The following RB1CC1 variants were observed in gnomAD, a reference collection of about 807,000 sequenced individuals.
RB1CC1 encodes the protein RB1 inducible coiled-coil 1.
RB1CC1 carries 46 observed loss-of-function variants against 177.5 expected under a neutral mutation model. The observed-to-expected ratio is 0.26, with a 90% CI of 0.20 to 0.33. The LOEUF is 0.33. Among genes scored for constraint, RB1CC1 ranks in the 10% least tolerant of loss-of-function variants. RB1CC1 has a pLI of 1.00. For missense variants in RB1CC1, 1,703 were observed against 1,816.3 expected, an observed-to-expected ratio of 0.94 and a Z score of 1.13; for synonymous variants, 666 against 613.6, an observed-to-expected ratio of 1.09 and a Z score of -1.26.
intron 2 of RB1CC1, chr8:52,685,961 T>C (rs1469619354): frequency 6.6e-6 from 1 of 152,258 alleles, no homozygotes; most frequent in Non-Finnish European, 1.5e-5. Context: ...GAGTAGCCGT[T>C]ACTTGCAAAT....
chr8:52,632,579 T>C (rs1024079069), intron 20 of RB1CC1, among the ~76,000 whole-genome samples: 11 of 152,230 alleles, frequency 7.2e-5, no homozygotes, highest in African/African-American at 2.7e-4. Context: ...AGAAAAAATT[T>C]GTTAATATAG....
chr8:52,713,194 G>C (rs1591174477), intron 1 of RB1CC1, among the ~76,000 whole-genome samples: 1 of 152,206 alleles, frequency 6.6e-6, no homozygotes, highest in African/African-American at 2.4e-5. Flanking sequence ...CTGGCTGAAT[G>C]TCTCGTAGTA....
At chr8:52,707,895 T>C (rs192596701) in intron 1 of RB1CC1, among the ~76,000 whole-genome samples, 8 of 152,300 alleles carry the variant, frequency 5.3e-5, no homozygotes, top group Admixed American at 3.9e-4. Context: ...TTGAATACCA[T>C]CTATCTCACT....
At chr8:52,659,983 C>T (rs1851467445) in intron 12 of RB1CC1, among the ~76,000 whole-genome samples, 1 of 152,178 alleles carries the variant, frequency 6.6e-6, no homozygotes, top group Non-Finnish European at 1.5e-5. Context: ...GACAACAGAG[C>T]AAGACTCTTG....
rs1281435196 is a variant in RB1CC1, at chr8:52,656,105, T to G, written c.3724A>C (p.Ile1242Leu). Residue 1242 changes from isoleucine (I) to leucine (L), a missense_variant, in exon 15 of 24, where the codon ATT becomes CTT. Physicochemically the swap from Ile to Leu is conservative, Grantham distance 5. Coordinates refer to ENST00000025008, the MANE Select transcript of RB1CC1 (RefSeq NM_014781.5). ...QKLNCEKDEA[I>L]QTALKEFKLE... ...TTAAATTCTTTTAGGGCAGTCTGAA[T>G]AGCTTCATCTTTTTCACAATTAAGC... The G allele has an allele frequency of 6.2e-7, 1 of 1,613,690 alleles. No homozygotes were observed. Among genetic ancestry groups the G allele is most frequent in the East Asian group, 2.2e-5 (1 of 44,826 alleles).
At chr8:52,710,046 A>G (rs1856920955) in intron 1 of RB1CC1, among the ~76,000 whole-genome samples, 1 of 152,252 alleles carries the variant, frequency 6.6e-6, no homozygotes, top group African/African-American at 2.4e-5. Context: ...TGCAATTATT[A>G]GCAATTCTCC....
At chr8:52,694,216 C>T (rs1394806062) in intron 1 of RB1CC1, among the ~76,000 whole-genome samples, 1 of 152,170 alleles carries the variant, frequency 6.6e-6, no homozygotes, top group Non-Finnish European at 1.5e-5. Flanking sequence ...AACTGCAGGA[C>T]AGTGAGGAGT....
chr8:52,635,048 A>C (rs1179634138), intron 19 of RB1CC1, 80 bp from the exon 20 acceptor site: 2 of 1,301,658 alleles, frequency 1.5e-6, no homozygotes, highest in Non-Finnish European at 2.1e-6. Context: ...CAAAGTTTTC[A>C]TCAGACAAAA....
chr8:52,642,246 G>A, intron 18 of RB1CC1, 105 bp downstream of exon 18: 1 of 1,369,900 alleles, frequency 7.3e-7, no homozygotes, highest in Non-Finnish European at 9.9e-7. Context: ...TCAGATACAT[G>A]GGCTGTGGAC....
intron 10 of RB1CC1, 41 bp from the exon 11 acceptor site, chr8:52,661,048 A>G: frequency 6.2e-7 from 1 of 1,611,124 alleles, no homozygotes; most frequent in Non-Finnish European, 8.5e-7. Flanking sequence ...ACATACACCA[A>G]TTCGTTAAAG....
At chr8:52,654,247 T>G (rs144756659) in intron 15 of RB1CC1, among the ~76,000 whole-genome samples, 1 of 152,336 alleles carries the variant, frequency 6.6e-6, no homozygotes, top group Non-Finnish European at 1.5e-5. Context: ...CTGGACTGTC[T>G]AGTATTCCAT....
chr8:52,679,618 A>G (rs548645931), intron 5 of RB1CC1, among the ~76,000 whole-genome samples: 61 of 152,186 alleles, frequency 4.0e-4, no homozygotes, highest in Non-Finnish European at 7.8e-4. Context: ...CCTTGGGCAC[A>G]TGTTACCAGG....
At chr8:52,693,634 G>A (rs1326980953) in intron 1 of RB1CC1, among the ~76,000 whole-genome samples, 2 of 152,160 alleles carry the variant, frequency 1.3e-5, no homozygotes, top group Admixed American at 1.3e-4. Context: ...GTGTAAATTA[G>A]TTCAACCATT....
At chr8:52,658,754 T>C in intron 13 of RB1CC1, 119 bp downstream of exon 13, 1 of 561,774 alleles carries the variant, frequency 1.8e-6, no homozygotes, top group African/African-American at 2.0e-5. Flanking sequence ...AAAGCCAGTC[T>C]ATCTTAAATA....
At chr8:52,673,284 A>G (rs967894806) in intron 7 of RB1CC1, among the ~76,000 whole-genome samples, 5 of 152,238 alleles carry the variant, frequency 3.3e-5, no homozygotes, top group Non-Finnish European at 7.3e-5. Context: ...TGCAGATCAG[A>G]TATGAAGGGG....
intron 8 of RB1CC1, among the ~76,000 whole-genome samples, chr8:52,666,938 G>A (rs964812543): frequency 6.6e-6 from 1 of 152,188 alleles, no homozygotes. Flanking sequence ...AAAAGCAAGT[G>A]AGGGAAAAGC....
At chr8:52,699,592 T>TGAGGTCAG (rs1461338838) in intron 1 of RB1CC1, among the ~76,000 whole-genome samples, 13 of 149,954 alleles carry the variant, frequency 8.7e-5, no homozygotes, top group African/African-American at 3.2e-4. Context: ...GTGGATCACT[T>TGAGGTCAG]GAGGTCAGGA....
At chr8:52,638,873 T>C (rs1849351975) in intron 18 of RB1CC1, among the ~76,000 whole-genome samples, 1 of 152,148 alleles carries the variant, frequency 6.6e-6, no homozygotes, top group Admixed American at 6.5e-5. Context: ...TACATGTAGA[T>C]TTCCATATAT....
At chr8:52,696,206 G>A (rs912653121) in intron 1 of RB1CC1, among the ~76,000 whole-genome samples, 19 of 152,024 alleles carry the variant, frequency 1.2e-4, no homozygotes, top group South Asian at 4.1e-4. Context: ...CACCACGCCC[G>A]GCTAATTTTT....
Sources: allele counts gnomAD v4.1 joint callset (sites outside exome capture counted in the v4.1 genomes callset), GRCh38; gene constraint gnomAD v4.1.1; transcripts MANE v1.5; gene names NCBI Gene and HGNC (gene_info 2026-07-23, HGNC 2026-07-21).